HELZ: variants seen among roughly 807,000 people sequenced by gnomAD.
HELZ encodes helicase with zinc finger.
Under a neutral mutation model 218.2 loss-of-function variants are expected in HELZ, and 23 were observed. The ratio of observed to expected loss-of-function variants is 0.11; its 90% CI spans 0.08 to 0.15. The LOEUF (loss-of-function observed/expected upper bound fraction) is 0.15, where lower values mean the gene tolerates loss of function less well. Among genes scored for constraint, HELZ ranks in the 10% least tolerant of loss-of-function variants. The pLI is 1.00. For synonymous variants in HELZ, 814 were observed against 829.4 expected, an observed-to-expected ratio of 0.98 and a Z score of 0.32; for missense variants, 1,813 against 2,353.7, an observed-to-expected ratio of 0.77 and a Z score of 4.75.
intron 24 of HELZ, among the ~76,000 whole-genome samples, chr17:67,125,005 AAG>A (rs1463159809): frequency 1.4e-5 from 2 of 148,068 alleles, no homozygotes; most frequent in Non-Finnish European, 3.0e-5. Context: ...CTGAAAACTA[AAG>A]AGGGGATTAT....
At chr17:67,083,630 A>G (rs951265806) in intron 32 of HELZ, among the ~76,000 whole-genome samples, 2 of 152,216 alleles carry the variant, frequency 1.3e-5, no homozygotes, top group Non-Finnish European at 2.9e-5. Flanking sequence ...CTGTGTCTCA[A>G]AAACAAAACA....
chr17:67,228,711 A>T (rs923566129), intron 3 of HELZ, among the ~76,000 whole-genome samples: 5 of 149,728 alleles, frequency 3.3e-5, no homozygotes, highest in African/African-American at 7.4e-5. Flanking sequence ...TTGATACATT[A>T]TTATTATTAT....
chr17:67,114,537 G>T, intron 27 of HELZ, 134 bp from the exon 28 acceptor site: 1 of 545,992 alleles, frequency 1.8e-6, no homozygotes, highest in Non-Finnish European at 3.2e-6. Flanking sequence ...ATGACTACTT[G>T]GGTTTTGTTC....
Position 67,178,845 on chromosome 17 carries a change from T to C in HELZ, c.1244A>G (p.Asp415Gly). 6.2e-7 allele frequency: 1 copy of C among 1,613,612 alleles called. No homozygotes were observed. Among genetic ancestry groups the C allele is most frequent in the Non-Finnish European group, 8.5e-7 (1 of 1,179,588 alleles). ...ATCAGTAGTTTCATTAGGTTCAAAATCTATAATAGTCTTAGAGGAAGAATC... is the reference window on the plus strand; with the variant it reads ...ATCAGTAGTTTCATTAGGTTCAAAACCTATAATAGTCTTAGAGGAAGAATC... Reference protein sequence around the residue: ...RWDSSSKTIIDFEPNETTDLE... With the variant: ...RWDSSSKTIIGFEPNETTDLE... Residue 415 changes from aspartate to glycine, a missense_variant, in exon 13 of 33, where the codon GAT (aspartate) becomes GGT (glycine). Asp to Gly is a moderately conservative substitution (Grantham distance 94). Transcript: ENST00000358691.
rs1206024076 is a variant in HELZ, at chr17:67,071,138, A to C, written c.*7114T>G. 6.6e-6 allele frequency: 1 copy of C among 152,568 alleles called. No homozygotes were observed. Among genetic ancestry groups the C allele is most frequent in the African/African-American group, 2.4e-5 (1 of 41,460 alleles). 9.5% of individuals were successfully genotyped at this position (152,568 alleles called of 1,614,324 possible). The stretch of plus-strand genomic sequence containing the variant: ...GTACCTTTATGGGGTTTAAAGAATC[A>C]GGTCAGATGACTGGCACAGAAATCA... On this transcript the variant is annotated 3_prime_UTR_variant, in exon 33 of 33. Coordinates refer to ENST00000358691, the MANE Select transcript of HELZ (RefSeq NM_014877.4).
intron 32 of HELZ, among the ~76,000 whole-genome samples, chr17:67,083,231 T>C (rs903976899): frequency 2.0e-5 from 3 of 152,206 alleles, no homozygotes; most frequent in African/African-American, 7.2e-5. Flanking sequence ...AATGCCTACA[T>C]CCTTGTCTAA....
intron 12 of HELZ, among the ~76,000 whole-genome samples, chr17:67,182,229 G>C (rs544030370): frequency 6.6e-6 from 1 of 152,068 alleles, no homozygotes; most frequent in African/African-American, 2.4e-5. Flanking sequence ...GTCACCTGAG[G>C]TCAGGAGTTC....
chr17:67,231,195 T>G (rs1238993621), intron 3 of HELZ, among the ~76,000 whole-genome samples: 2 of 152,182 alleles, frequency 1.3e-5, no homozygotes, highest in Admixed American at 1.3e-4. Flanking sequence ...AAGACAAAAC[T>G]GCTACATTCA....
chr17:67,209,036 G>GGAGA (rs1285112690), intron 5 of HELZ, among the ~76,000 whole-genome samples: 23 of 145,094 alleles, frequency 1.6e-4, no homozygotes, highest in African/African-American at 5.2e-4. Context: ...AGGGAGGAAG[G>GGAGA]GAGGGAGGGA....
chr17:67,236,410 C>T (rs184807832), intron 3 of HELZ, among the ~76,000 whole-genome samples: 1 of 152,012 alleles, frequency 6.6e-6, no homozygotes, highest in Non-Finnish European at 1.5e-5. Context: ...AACATAATAA[C>T]ACACTCCAAA....
chr17:67,106,639 TTTAACTTA>T (rs1409661685), intron 31 of HELZ, among the ~76,000 whole-genome samples: 1 of 152,162 alleles, frequency 6.6e-6, no homozygotes, highest in African/African-American at 2.4e-5. Context: ...TAAAATTCAG[TTTAACTTA>T]AAATGCTTAG....
At chr17:67,240,574 A>G (rs991669553) in intron 2 of HELZ, among the ~76,000 whole-genome samples, 2 of 152,234 alleles carry the variant, frequency 1.3e-5, no homozygotes, top group Non-Finnish European at 2.9e-5. Context: ...TAATTTCTGC[A>G]GAAGGAAGCA....
chr17:67,123,083 T>G lies in HELZ; in HGVS notation c.3517A>C (p.Asn1173His). 1 of 1,613,582 alleles carries G rather than the reference T, an allele frequency of 6.2e-7. No individual in the cohort carries two copies. The highest frequency in any genetic ancestry group is 8.5e-7 in the Non-Finnish European group (1 of 1,179,506). Reference protein sequence around the residue: ...TPPPPLGPHPNLGKSPSPVQR... With the variant: ...TPPPPLGPHPHLGKSPSPVQR... ...ACAGGGCTTGGAGATTTTCCCAAAT[T>G]TGGGTGAGGTCCAAGAGGGGGTGGA... Residue 1173 changes from asparagine to histidine, a missense_variant, in exon 26 of 33, where the codon AAT (asparagine) becomes CAT (histidine). Asn to His is a moderately conservative substitution (Grantham distance 68). Coordinates refer to ENST00000358691, the MANE Select transcript of HELZ (RefSeq NM_014877.4).
intron 3 of HELZ, among the ~76,000 whole-genome samples, chr17:67,219,251 C>A (rs534700712): frequency 2.0e-5 from 3 of 152,262 alleles, no homozygotes; most frequent in East Asian, 3.9e-4. Context: ...TTGCAAAAAA[C>A]CAAAATCTAT....
rs937804705 is a variant in HELZ, at chr17:67,166,693, T to C, written c.1765-85A>G. On this transcript the variant is annotated intron_variant, in intron 14 of 32. Transcript: ENST00000358691. ...TCACTAGAATACTTTGGGAGGAATC[T>C]GTTTGGGACAGTAAGTTTAGAGATT... 7.9e-6 allele frequency: 9 copies of C among 1,135,920 alleles called. No individual in the cohort carries two copies. The African/African-American group carries it at 1.2e-4, about 16-fold the overall frequency. The allele number at this position is 1,135,920 out of a possible 1,614,324, so 70.4% of individuals were successfully genotyped here.
chr17:67,128,945 A>AC, intron 23 of HELZ, 90 bp from the exon 24 acceptor site: 1 of 977,120 alleles, frequency 1.0e-6, no homozygotes, highest in South Asian at 1.4e-5. Context: ...CTCAAATTCC[A>AC]CCCCCAACCT....
At chr17:67,175,104 G>C (rs2039418054) in intron 13 of HELZ, among the ~76,000 whole-genome samples, 1 of 152,148 alleles carries the variant, frequency 6.6e-6, no homozygotes, top group Non-Finnish European at 1.5e-5. Context: ...TCTGATGACT[G>C]GTATTGATTG....
At chr17:67,104,310 A>T (rs1209301524) in intron 31 of HELZ, among the ~76,000 whole-genome samples, 1 of 151,962 alleles carries the variant, frequency 6.6e-6, no homozygotes, top group Non-Finnish European at 1.5e-5. Context: ...GTGGTGGTGG[A>T]CACCTGTAGT....
intron 5 of HELZ, 56 bp downstream of exon 5, chr17:67,215,843 A>T: frequency 8.3e-7 from 1 of 1,199,040 alleles, no homozygotes; most frequent in South Asian, 1.3e-5. Flanking sequence ...CAAAAAAAAA[A>T]ATCAAACCTT....
Sources: allele counts gnomAD v4.1 joint callset (sites outside exome capture counted in the v4.1 genomes callset), GRCh38; gene constraint gnomAD v4.1.1; transcripts MANE v1.5; gene names NCBI Gene and HGNC (gene_info 2026-07-23, HGNC 2026-07-21).